ESRRG: variants seen among roughly 807,000 people sequenced by gnomAD.
The protein encoded by ESRRG is estrogen related receptor gamma.
In ESRRG, 13 loss-of-function variants were observed where a neutral mutation model predicts 44.0. The observed-to-expected ratio is 0.30, with a 90% confidence interval of 0.19 to 0.47. The LOEUF is 0.47. Ranked by LOEUF, ESRRG falls within the 20% of genes least tolerant of loss-of-function variation. ESRRG has a pLI of 1.00. For missense variants in ESRRG, 395 were observed against 580.6 expected, an observed-to-expected ratio of 0.68 and a Z score of 3.29; for synonymous variants, 215 against 214.6, an observed-to-expected ratio of 1.00 and a Z score of -0.02.
intron 2 of ESRRG, among the ~76,000 whole-genome samples, chr1:216,783,201 C>G (rs1417335562): frequency 1.3e-5 from 2 of 151,914 alleles, no homozygotes; most frequent in African/African-American, 2.4e-5. Flanking sequence ...GGTCATAGGT[C>G]TCAACTACAT....
intron 1 of ESRRG, among the ~76,000 whole-genome samples, chr1:217,053,133 T>TAAAAAAAAAAAAAAAAAAAAC (rs2086381377): frequency 8.4e-6 from 1 of 119,054 alleles, no homozygotes; most frequent in Admixed American, 8.7e-5. Flanking sequence ...AATCCCATCT[T>TAAAAAAAAAAAAAAAAAAAAC]AAAAAAAAAA....
chr1:216,514,652 T>C (rs552067410), intron 6 of ESRRG, among the ~76,000 whole-genome samples: 1 of 152,214 alleles, frequency 6.6e-6, no homozygotes, highest in South Asian at 2.1e-4. Context: ...TATATAATTA[T>C]TTGTGGAATA....
chr1:217,042,236 A>G (rs531002471), intron 1 of ESRRG, among the ~76,000 whole-genome samples: 19 of 152,198 alleles, frequency 1.2e-4, no homozygotes, highest in Non-Finnish European at 2.5e-4. Flanking sequence ...GAAATAGAGA[A>G]AGCATTTTAT....
chr1:216,754,613 G>A (rs1374751381), intron 2 of ESRRG, among the ~76,000 whole-genome samples: 4 of 151,694 alleles, frequency 2.6e-5, no homozygotes, highest in East Asian at 1.9e-4. Context: ...TTCAGCCGCC[G>A]GGCTCTATTT....
At chr1:216,682,803 G>A (rs1021463579) in intron 1 of ESRRG, among the ~76,000 whole-genome samples, 1 of 151,448 alleles carries the variant, frequency 6.6e-6, no homozygotes, top group East Asian at 1.9e-4. Flanking sequence ...ACAGGCTTCA[G>A]AGCCCATGAC....
At chr1:216,860,796 A>T (rs1339959719) in intron 2 of ESRRG, among the ~76,000 whole-genome samples, 2 of 152,190 alleles carry the variant, frequency 1.3e-5, no homozygotes, top group African/African-American at 4.8e-5. Context: ...TTTACACAAA[A>T]GAATGAAGAA....
At chr1:216,693,685 T>A (rs1426168073) in intron 1 of ESRRG, among the ~76,000 whole-genome samples, 1 of 152,130 alleles carries the variant, frequency 6.6e-6, no homozygotes, top group Non-Finnish European at 1.5e-5. Context: ...AATTAAAAAG[T>A]CTGTACATGT....
chr1:216,881,111 T>A (rs2096440031), intron 2 of ESRRG, among the ~76,000 whole-genome samples: 1 of 152,244 alleles, frequency 6.6e-6, no homozygotes, highest in Admixed American at 6.5e-5. Flanking sequence ...ACATGCTTTT[T>A]ATAATGAGTA....
rs1217856160 is a variant in ESRRG at position 216,779,205 on chromosome 1, A to ATATAATGTT, written c.-13-101715_-13-101714insAACATTATA. ...TATAAATATATATTTATATTTATAAATATAAATATATATTTATATTTATAA... is the reference window on the plus strand; with the variant it reads ...TATAAATATATATTTATATTTATAAATATAATGTTTATAAATATATATTTATATTTATAA... On this transcript the variant is annotated intron_variant, in intron 2 of 7. Transcript: ENST00000359162. Among the ~76,000 whole-genome samples, 84 of 58,042 alleles carry ATATAATGTT rather than the reference A, an allele frequency of 1.4e-3. 3 individuals are homozygous for ATATAATGTT. The highest frequency in any genetic ancestry group is 6.5e-3 in the African/African-American group (80 of 12,356). 38.1% of individuals were successfully genotyped at this position (58,042 alleles called of 152,430 possible). A position where few individuals can be genotyped will look rare whatever the true frequency, so the allele number is the denominator to read the frequency against.
At chr1:216,601,964 T>C (rs895174474) in intron 3 of ESRRG, among the ~76,000 whole-genome samples, 3 of 152,148 alleles carry the variant, frequency 2.0e-5, no homozygotes, top group Non-Finnish European at 4.4e-5. Context: ...ATCCTCTTAA[T>C]TAACAACAAC....
At chr1:216,752,658 G>C (rs921901498) in intron 2 of ESRRG, among the ~76,000 whole-genome samples, 1 of 151,976 alleles carries the variant, frequency 6.6e-6, no homozygotes, top group Middle Eastern at 3.2e-3. Flanking sequence ...TCAGTATGAT[G>C]GTAATTACTA....
intron 1 of ESRRG, among the ~76,000 whole-genome samples, chr1:216,954,466 A>G (rs1391621105): frequency 1.3e-5 from 2 of 152,146 alleles, no homozygotes; most frequent in Non-Finnish European, 2.9e-5. Flanking sequence ...TTAATTTAAC[A>G]TGATGAATCT....
intron 2 of ESRRG, among the ~76,000 whole-genome samples, chr1:216,857,266 C>T (rs1194755827): frequency 6.6e-6 from 1 of 151,804 alleles, no homozygotes; most frequent in Non-Finnish European, 1.5e-5. Context: ...CTAACCAGCA[C>T]TGGGCATTGC....
At chr1:216,776,708 T>A (rs1204969265) in intron 2 of ESRRG, among the ~76,000 whole-genome samples, 2 of 151,762 alleles carry the variant, frequency 1.3e-5, no homozygotes, top group Non-Finnish European at 1.5e-5. Flanking sequence ...GTTCAGGAGG[T>A]AAAAGAATAT....
chr1:216,793,903 A>T (rs1406434736), intron 2 of ESRRG, among the ~76,000 whole-genome samples: 1 of 151,628 alleles, frequency 6.6e-6, no homozygotes, highest in African/African-American at 2.4e-5. Context: ...TCCTGTTTTT[A>T]TCATTAAAGT....
At chr1:216,983,847 C>A (rs990340094) in intron 1 of ESRRG, among the ~76,000 whole-genome samples, 1 of 151,930 alleles carries the variant, frequency 6.6e-6, no homozygotes. Context: ...AACCTGCCTG[C>A]TAATTGGGTT....
At chr1:216,564,592 T>C (rs1238411252) in intron 4 of ESRRG, among the ~76,000 whole-genome samples, 2 of 151,878 alleles carry the variant, frequency 1.3e-5, no homozygotes, top group Non-Finnish European at 2.9e-5. Flanking sequence ...AATGTAGTCT[T>C]TTTTTTTCTT....
At position 216,964,363 on chromosome 1, in the gene ESRRG, G is replaced by A. The variant is rs1178784131; in HGVS notation, c.-105-24690C>T. Among the ~76,000 whole-genome samples the A allele has an allele frequency of 2.0e-5, 3 of 152,092 alleles. 1 individual carries two copies. Among genetic ancestry groups the A allele is most frequent in the South Asian group, 4.1e-4 (2 of 4,832 alleles). On this transcript the variant is annotated intron_variant, in intron 1 of 7. Transcript: ENST00000359162. ...TCACTGGCTGCCTCCTTAAGTCACAGGTCTGCTGACAGCAACATCATCCAC... is the reference window on the plus strand; with the variant it reads ...TCACTGGCTGCCTCCTTAAGTCACAAGTCTGCTGACAGCAACATCATCCAC...
intron 2 of ESRRG, among the ~76,000 whole-genome samples, chr1:216,902,678 A>T (rs866402107): frequency 7.2e-5 from 11 of 152,242 alleles, no homozygotes; most frequent in African/African-American, 2.6e-4. Flanking sequence ...CTCTTCTGAG[A>T]CTTCCACCAG....
Sources: allele counts gnomAD v4.1 joint callset (sites outside exome capture counted in the v4.1 genomes callset), GRCh38; gene constraint gnomAD v4.1.1; transcripts MANE v1.5; gene names NCBI Gene and HGNC (gene_info 2026-07-23, HGNC 2026-07-21).